The following ZFYVE1 variants were observed in gnomAD, a reference collection of about 807,000 sequenced individuals.
ZFYVE1 encodes the protein zinc finger FYVE-type containing 1, also known as zinc finger FYVE domain-containing protein 1.
ZFYVE1 carries 30 observed loss-of-function variants against 74.4 expected under a neutral mutation model. The ratio of observed to expected loss-of-function variants is 0.40; its 90% CI spans 0.30 to 0.55. The LOEUF is 0.55. Ranked by LOEUF, ZFYVE1 falls within the 20% of genes least tolerant of loss-of-function variation. The pLI, the probability that ZFYVE1 is intolerant of heterozygous loss-of-function variation, is 0.42. For synonymous variants in ZFYVE1, 335 were observed against 385.1 expected, an observed-to-expected ratio of 0.87 and a Z score of 1.52; for missense variants, 703 against 1,011.6, an observed-to-expected ratio of 0.69 and a Z score of 4.14.
intron 2 of ZFYVE1, among the ~76,000 whole-genome samples, chr14:73,017,835 G>C (rs911456859): frequency 6.6e-6 from 1 of 152,088 alleles, no homozygotes; most frequent in Non-Finnish European, 1.5e-5. Flanking sequence ...CTATACATCA[G>C]TCTCTATCAG....
chr14:72,998,545 A>AAAAAG (rs372780063), intron 2 of ZFYVE1, among the ~76,000 whole-genome samples: 21 of 152,166 alleles, frequency 1.4e-4, no homozygotes, highest in Admixed American at 2.0e-4. Context: ...CTATAAAAAG[A>AAAAAG]AAAAGAAAAG....
chr14:73,016,671 CA>C (rs1894209625), intron 2 of ZFYVE1, among the ~76,000 whole-genome samples: 1 of 151,532 alleles, frequency 6.6e-6, no homozygotes, highest in African/African-American at 2.4e-5. Context: ...CACCTGAGGT[CA>C]GGAGTTCAAG....
rs767643342 is a variant in ZFYVE1, at chr14:73,024,339, T to C, written c.170A>G (p.Asn57Ser). Residue 57 changes from asparagine (N) to serine (S), a missense_variant, in exon 2 of 12, where the codon AAC becomes AGC. By Grantham distance (46) the Asn-to-Ser change is conservative. Coordinates refer to ENST00000556143, the MANE Select transcript of ZFYVE1 (RefSeq NM_021260.4). Reference sequence around the variant, plus strand: ...AGGTTTGAGTCTTATCCGCTCATGGTTTCTCAGGCGCTCCTGCCGATGGAG... The same window carrying C: ...AGGTTTGAGTCTTATCCGCTCATGGCTTCTCAGGCGCTCCTGCCGATGGAG... ...EELHRQERLRNHERIRLKPGH... is the reference protein window; with the variant it reads ...EELHRQERLRSHERIRLKPGH... 35 of 1,613,930 alleles carry C rather than the reference T, an allele frequency of 2.2e-5. No homozygotes were observed. Among genetic ancestry groups the C allele is most frequent in the Non-Finnish European group, 3.0e-5 (35 of 1,180,006 alleles).
At chr14:73,025,243 AT>A (rs1193420601) in intron 1 of ZFYVE1, among the ~76,000 whole-genome samples, 4 of 151,586 alleles carry the variant, frequency 2.6e-5, no homozygotes, top group African/African-American at 7.3e-5. Context: ...TAATTTTTGT[AT>A]TTTTAGTAGA....
At chr14:72,993,688 ACT>A (rs1333440637) in intron 3 of ZFYVE1, among the ~76,000 whole-genome samples, 3 of 151,268 alleles carry the variant, frequency 2.0e-5, no homozygotes, top group African/African-American at 7.3e-5. Flanking sequence ...GACAAAAGTG[ACT>A]CTATCTCAAA....
chr14:73,009,127 T>C (rs1464735977), intron 2 of ZFYVE1, among the ~76,000 whole-genome samples: 1 of 152,150 alleles, frequency 6.6e-6, no homozygotes, highest in Non-Finnish European at 1.5e-5. Flanking sequence ...CAGCACAAAA[T>C]GTCTAGACGC....
chr14:73,021,365 A>ATAAG (rs1249384369), intron 2 of ZFYVE1, among the ~76,000 whole-genome samples: 1 of 151,304 alleles, frequency 6.6e-6, no homozygotes, highest in African/African-American at 2.4e-5. Context: ...AAATAAATAA[A>ATAAG]TAAATAAATA....
chr14:72,981,917 A>T, intron 4 of ZFYVE1, 22 bp from the exon 5 acceptor site: 7 of 1,610,190 alleles, frequency 4.3e-6, no homozygotes, highest in Non-Finnish European at 5.9e-6. Context: ...GGAAGGTGAC[A>T]TATGATGGCA....
chr14:72,981,100 G>A lies in ZFYVE1; in HGVS notation c.1310+689C>T, dbSNP rs187939691. ...TTCACCCAGACCTGATTCCGAATCT[G>A]CATTCTAACAGAATCTCAAGGTGAT... On this transcript the variant is annotated intron_variant, in intron 5 of 11. Coordinates refer to ENST00000556143, the MANE Select transcript of ZFYVE1 (RefSeq NM_021260.4). Among the ~76,000 whole-genome samples, 24 of 152,304 alleles carry A rather than the reference G, an allele frequency of 1.6e-4. No homozygotes were observed. In the East Asian group the frequency reaches 4.4e-3, roughly 28 times the overall value.
intron 11 of ZFYVE1, among the ~76,000 whole-genome samples, 178 bp from the exon 12 acceptor site, chr14:72,971,292 T>C (rs1188588523): frequency 6.6e-6 from 1 of 152,196 alleles, no homozygotes; most frequent in African/African-American, 2.4e-5. Flanking sequence ...ATCAGAGTCT[T>C]TGGGGCTGTC....
Sources: gnomAD v4.1 joint callset for allele counts (sites outside exome capture counted in the v4.1 genomes callset) on GRCh38, gnomAD v4.1.1 for gene constraint, MANE v1.5 for transcripts, NCBI Gene and HGNC (gene_info 2026-07-23, HGNC 2026-07-21) for gene names.